Variants in IL13RA1 observed in about 807,000 individuals in gnomAD.
IL13RA1 encodes interleukin-13 receptor subunit alpha-1.
A neutral mutation model predicts 33.8 loss-of-function variants in IL13RA1; 14 were observed. The observed-to-expected ratio is 0.41, with a 90% CI of 0.27 to 0.65. The LOEUF is 0.65. IL13RA1 is among the 30% of genes least tolerant of loss of function. The pLI is 0.28. For synonymous variants in IL13RA1, 116 were observed against 115.7 expected (o/e 1.00, Z -0.02); for missense variants, 313 against 327.0 (o/e 0.96, Z 0.33).
chrX:118,744,190 G>A lies in IL13RA1; in HGVS notation c.229-2764G>A, dbSNP rs895270487. Among the ~76,000 whole-genome samples the A allele has an allele frequency of 4.5e-5, 5 of 110,885 alleles. 1 individual carries two copies. Among genetic ancestry groups the A allele is most frequent in the African/African-American group, 9.8e-5 (3 of 30,495 alleles). On this transcript the variant is annotated intron_variant, in intron 2 of 10. Coordinates refer to ENST00000371666, the MANE Select transcript of IL13RA1 (RefSeq NM_001560.3). The stretch of plus-strand genomic sequence containing the variant: ...AATTTAGGAATTTAGTTTCTTGTGT[G>A]ATACAGAGAGGTGTACTTGACTTGG...
chrX:118,741,478 T>C (rs764149396), intron 2 of IL13RA1, among the ~76,000 whole-genome samples: 1 of 112,318 alleles, frequency 8.9e-6, no homozygotes, highest in South Asian at 3.7e-4. Flanking sequence ...TATTGCCTTG[T>C]ATCTATATAA....
At chrX:118,745,481 G>A (rs2017393765) in intron 2 of IL13RA1, among the ~76,000 whole-genome samples, 1 of 111,659 alleles carries the variant, frequency 9.0e-6, no homozygotes, top group African/African-American at 3.3e-5. Context: ...CTGGACCTAA[G>A]AGCTATTCTG....
At chrX:118,770,569 C>T (rs756366685) in intron 8 of IL13RA1, 28 of 508,610 alleles carry the variant, frequency 5.5e-5, no homozygotes, top group African/African-American at 3.0e-4. Flanking sequence ...GCCCACGTTC[C>T]GCAAGCTGTT....
chrX:118,743,512 A>G (rs776720266), intron 2 of IL13RA1, among the ~76,000 whole-genome samples: 1 of 111,816 alleles, frequency 8.9e-6, no homozygotes, highest in African/African-American at 3.2e-5. Context: ...AAGTAGAAGG[A>G]GGATCTAGCA....
downstream of IL13RA1, among the ~76,000 whole-genome samples, chrX:118,795,227 A>AAAAAAAAAAAG (rs200347606): frequency 2.1e-4 from 20 of 94,997 alleles, 1 homozygote; most frequent in African/African-American, 7.6e-4. Flanking sequence ...AAAAAAAAAA[A>AAAAAAAAAAAG]AAAGAAAAAG....
At chrX:118,794,622 C>T (rs1220977927), downstream of IL13RA1, 2 of 111,788 alleles carry the variant, frequency 1.8e-5, no homozygotes, top group African/African-American at 6.5e-5. Context: ...TGAAAAAATT[C>T]CAAGCCAGCT....
Position 118,749,791 on chromosome X carries a change from A to G in IL13RA1, c.488+13A>G, listed in dbSNP as rs763292056. The stretch of plus-strand genomic sequence containing the variant: ...CTCTCTACTATTGGTGAGTATGTAC[A>G]GTACAATTACTGGAAGACTGATTGT... On this transcript the variant is annotated intron_variant, in intron 4 of 10. Coordinates refer to ENST00000371666, the MANE Select transcript of IL13RA1 (RefSeq NM_001560.3). The G allele has an allele frequency of 2.4e-5, 27 of 1,114,335 alleles. No individual in the cohort carries two copies. Among genetic ancestry groups the G allele is most frequent in the Admixed American group, 6.6e-5 (3 of 45,390 alleles). 91.8% of individuals were successfully genotyped at this position (1,114,335 alleles called of 1,213,427 possible). A position where few individuals can be genotyped will look rare whatever the true frequency, so the allele number is the denominator to read the frequency against.
At chrX:118,770,579 TCCGCAAGCTGTA>T (rs2147389936) in intron 8 of IL13RA1, 2 of 493,443 alleles carry the variant, frequency 4.1e-6, no homozygotes, top group East Asian at 5.0e-5. Context: ...CGCAAGCTGT[TCCGCAAGCTGTA>T]CGGGCACATC....
chrX:118,779,251 T>C (rs2017816442), intron 10 of IL13RA1, among the ~76,000 whole-genome samples: 1 of 111,688 alleles, frequency 9.0e-6, no homozygotes, highest in South Asian at 3.7e-4. Flanking sequence ...TTTGAGCCTA[T>C]GATTATACTT....
At chrX:118,783,645 T>A (rs2017869319) in intron 10 of IL13RA1, among the ~76,000 whole-genome samples, 1 of 110,167 alleles carries the variant, frequency 9.1e-6, no homozygotes, top group South Asian at 3.9e-4. Flanking sequence ...AACAAATTGC[T>A]TTTTTCTTGT....
At position 118,766,943 on chromosome X, in the gene IL13RA1, C is replaced by T; in HGVS notation, c.976C>T (p.Leu326Phe). The change falls in exon 8 of 11, where the codon CTC (leucine) becomes TTC (phenylalanine). Residue 326 changes from leucine to phenylalanine, a missense_variant. Physicochemically the swap from Leu to Phe is conservative, Grantham distance 22 (BLOSUM62 0). Coordinates refer to ENST00000371666, the MANE Select transcript of IL13RA1 (RefSeq NM_001560.3). ...TAAGTTATGCTATGAGGATGACAAA[C>T]TCTGGAGTAATTGGAGCCAAGAAAT... ...TNKLCYEDDK[L>F]WSNWSQEMSI... is the part of the protein sequence containing the mutation. 8.8e-7 allele frequency: 1 copy of T among 1,135,879 alleles called. No homozygotes were observed. The highest frequency in any genetic ancestry group is 2.2e-5 in the Admixed American group (1 of 44,459). 93.6% of individuals were successfully genotyped at this position (1,135,879 alleles called of 1,213,427 possible). A position where few individuals can be genotyped will look rare whatever the true frequency, so the allele number is the denominator to read the frequency against.
In IL13RA1 at chrX:118,771,441, T is replaced by C. The variant is rs747712218; in HGVS notation, c.1010-2438T>C. 6.5e-4 allele frequency among the ~76,000 whole-genome samples: 73 copies of C among 112,396 alleles called. 1 individual carries two copies. The highest frequency in any genetic ancestry group is 2.1e-3 in the African/African-American group (64 of 31,013). On this transcript the variant is annotated intron_variant, in intron 8 of 10. Transcript: ENST00000371666. ...AACCCCAGAGATTCTGACACAGTAATGCTGGGGTGAGATGCTTGAAACTGT... is the reference window on the plus strand; with the variant it reads ...AACCCCAGAGATTCTGACACAGTAACGCTGGGGTGAGATGCTTGAAACTGT...
intron 8 of IL13RA1, among the ~76,000 whole-genome samples, chrX:118,769,070 ATAACC>A (rs2017681710): frequency 8.9e-6 from 1 of 112,290 alleles, no homozygotes; most frequent in Non-Finnish European, 1.9e-5. Context: ...ATGGTCTTTT[ATAACC>A]TAACCTTAGA....
At chrX:118,737,467 C>T (rs1360835257) in intron 1 of IL13RA1, among the ~76,000 whole-genome samples, 1 of 111,989 alleles carries the variant, frequency 8.9e-6, no homozygotes, top group Non-Finnish European at 1.9e-5. Context: ...GCTTCCTACT[C>T]TTGCCTTATT....
At chrX:118,791,710 A>G (rs2017976326) in intron 10 of IL13RA1, 52 bp from the exon 11 acceptor site, 1 of 561,985 alleles carries the variant, frequency 1.8e-6, no homozygotes, top group Admixed American at 3.0e-5. Context: ...ACTCAGGGAA[A>G]GAACACTGTT....
the IL13RA1 span, among the ~76,000 whole-genome samples, chrX:118,800,302 T>C: frequency 3.6e-5 from 4 of 110,163 alleles, no homozygotes; most frequent in Admixed American, 3.8e-4. Context: ...CTTTCACTCT[T>C]TGCAATATCT....
At chrX:118,744,769 C>A in intron 2 of IL13RA1, among the ~76,000 whole-genome samples, 1 of 111,775 alleles carries the variant, frequency 8.9e-6, no homozygotes, top group Non-Finnish European at 1.9e-5. Context: ...ACTAAAACTC[C>A]GTAACCCTCT....
At chrX:118,766,179 A>G (rs1295615371) in intron 6 of IL13RA1, among the ~76,000 whole-genome samples, 1 of 111,928 alleles carries the variant, frequency 8.9e-6, no homozygotes, top group Non-Finnish European at 1.9e-5. Flanking sequence ...GGTCTTGTTT[A>G]AGAAATATTT....
At chrX:118,802,697 C>A in the IL13RA1 span, among the ~76,000 whole-genome samples, 25,196 of 111,216 alleles carry the variant, frequency 0.23, 3,047 homozygotes, top group African/African-American at 0.46. Flanking sequence ...CTATAGAAAA[C>A]AAGCAGCTGA....
Sources: gnomAD v4.1 joint callset for allele counts (sites outside exome capture counted in the v4.1 genomes callset) on GRCh38, gnomAD v4.1.1 for gene constraint, MANE v1.5 for transcripts, NCBI Gene and HGNC (gene_info 2026-07-23, HGNC 2026-07-21) for gene names.